CDYL: variants seen among roughly 807,000 people sequenced by gnomAD.
The protein encoded by CDYL is chromodomain Y-like protein.
In CDYL, 8 loss-of-function variants were observed where a neutral mutation model predicts 47.3. The ratio of observed to expected loss-of-function variants is 0.17; its 90% CI spans 0.10 to 0.31. The LOEUF (loss-of-function observed/expected upper bound fraction) is 0.31, where lower values mean the gene tolerates loss of function less well. CDYL is among the 10% of genes least tolerant of loss of function. CDYL has a pLI of 1.00. For missense variants in CDYL, 471 were observed against 701.4 expected, an observed-to-expected ratio of 0.67 and a Z score of 3.71; for synonymous variants, 266 against 265.0, an observed-to-expected ratio of 1.00 and a Z score of -0.04.
At chr6:4,950,826 C>T (rs1002127007) in intron 5 of CDYL, among the ~76,000 whole-genome samples, 2 of 151,074 alleles carry the variant, frequency 1.3e-5, no homozygotes, top group Admixed American at 6.6e-5. Context: ...CAGCTACTCA[C>T]GAGGCTGAGG....
In CDYL at chr6:4,897,802, T is replaced by TTTTTTTTTA. The variant is rs1249743935; in HGVS notation, c.691+5423_691+5424insTTTTTTTTA. 1.8e-4 allele frequency among the ~76,000 whole-genome samples: 28 copies of TTTTTTTTTA among 151,362 alleles called. No homozygotes were observed. The South Asian group carries it at 2.1e-3, about 11-fold the overall frequency. On this transcript the variant is annotated intron_variant, in intron 2 of 6. Coordinates refer to ENST00000397588, the MANE Select transcript of CDYL (RefSeq NM_004824.4). ...TTTGAAGGTTTTTGTTTTTTTTTTTTAAATTATCCAGGCATGAGGCCAAGG... is the reference window on the plus strand; with the variant it reads ...TTTGAAGGTTTTTGTTTTTTTTTTTTTTTTTTTTAAAATTATCCAGGCATGAGGCCAAGG...
intron 3 of CDYL, among the ~76,000 whole-genome samples, chr6:4,747,351 A>T (rs1162974874): frequency 1.3e-5 from 2 of 152,108 alleles, no homozygotes; most frequent in Non-Finnish European, 2.9e-5. Context: ...TTATTACCCA[A>T]AACATTTCTG....
intron 2 of CDYL, among the ~76,000 whole-genome samples, chr6:4,731,629 T>C (rs1757606729): frequency 6.6e-6 from 1 of 152,038 alleles, no homozygotes; most frequent in South Asian, 2.1e-4. Flanking sequence ...TGAAACCCCA[T>C]CTCTATTAAA....
At chr6:4,879,560 T>G (rs1030189879) in intron 1 of CDYL, among the ~76,000 whole-genome samples, 1 of 145,674 alleles carries the variant, frequency 6.9e-6, no homozygotes, top group South Asian at 2.2e-4. Context: ...GGGTTTTTTT[T>G]TTTTTTTTTT....
intron 2 of CDYL, among the ~76,000 whole-genome samples, chr6:4,913,249 C>T (rs2127501580): frequency 6.6e-6 from 1 of 152,216 alleles, no homozygotes; most frequent in South Asian, 2.1e-4. Context: ...TATTAACACT[C>T]TTCCTTATTA....
intron 1 of CDYL, among the ~76,000 whole-genome samples, chr6:4,852,164 T>TGATC (rs1217023132): frequency 6.6e-6 from 1 of 152,236 alleles, no homozygotes; most frequent in Non-Finnish European, 1.5e-5. Context: ...CATCTACTGA[T>TGATC]GATCCTTGCT....
chr6:4,837,875 G>A (rs1237443060), intron 1 of CDYL, among the ~76,000 whole-genome samples: 1 of 152,028 alleles, frequency 6.6e-6, no homozygotes, highest in Admixed American at 6.6e-5. Flanking sequence ...CCAGGCTCAA[G>A]TGATCCCAAT....
chr6:4,789,472 GT>G (rs976609569), intron 1 of CDYL, among the ~76,000 whole-genome samples: 1 of 152,112 alleles, frequency 6.6e-6, no homozygotes, highest in Non-Finnish European at 1.5e-5. Flanking sequence ...TTTTATTTCT[GT>G]TTCCCTGGCC....
At chr6:4,843,295 A>C (rs1760557400) in intron 1 of CDYL, among the ~76,000 whole-genome samples, 1 of 152,122 alleles carries the variant, frequency 6.6e-6, no homozygotes, top group African/African-American at 2.4e-5. Context: ...CAGCGTGCCT[A>C]AGTGATGATC....
intron 2 of CDYL, among the ~76,000 whole-genome samples, chr6:4,897,636 G>A (rs1196633265): frequency 6.6e-6 from 1 of 152,140 alleles, no homozygotes; most frequent in African/African-American, 2.4e-5. Flanking sequence ...AGGAGACCAG[G>A]CCAGGTGTGG....
intron 1 of CDYL, among the ~76,000 whole-genome samples, chr6:4,819,396 C>G (rs1451445754): frequency 6.6e-6 from 1 of 152,122 alleles, no homozygotes; most frequent in Non-Finnish European, 1.5e-5. Flanking sequence ...CCTCATTGGA[C>G]AGGTGGCTGA....
chr6:4,751,278 G>A (rs1757985669), intron 3 of CDYL, among the ~76,000 whole-genome samples: 1 of 152,182 alleles, frequency 6.6e-6, no homozygotes, highest in Non-Finnish European at 1.5e-5. Context: ...TGGAGTCGCA[G>A]CATCAGCAAC....
chr6:4,912,235 T>C (rs970887822), intron 2 of CDYL, among the ~76,000 whole-genome samples: 3 of 442 alleles, frequency 6.8e-3, no homozygotes, highest in Non-Finnish European at 0.018. Flanking sequence ...AGTTGGGAAT[T>C]TTTTTTTTTC....
intron 2 of CDYL, chr6:4,715,919 T>C (rs981631109): frequency 3.1e-6 from 5 of 1,595,528 alleles, no homozygotes; most frequent in South Asian, 1.1e-5. Flanking sequence ...TCTGATGCAG[T>C]AGGCAGAATT....
intron 1 of CDYL, among the ~76,000 whole-genome samples, chr6:4,872,197 C>T (rs1761494875): frequency 6.6e-6 from 1 of 152,010 alleles, no homozygotes. Context: ...ACTAAGGTAC[C>T]CTCTCTGTGA....
intron 1 of CDYL, among the ~76,000 whole-genome samples, chr6:4,821,555 G>A (rs1561653923): frequency 1.3e-5 from 2 of 151,998 alleles, no homozygotes; most frequent in African/African-American, 2.4e-5. Context: ...CCAACATGGT[G>A]AAACCCCGTC....
intron 1 of CDYL, among the ~76,000 whole-genome samples, chr6:4,802,522 G>C (rs1157113672): frequency 6.6e-6 from 1 of 152,134 alleles, no homozygotes; most frequent in Non-Finnish European, 1.5e-5. Flanking sequence ...CTGGGTGACA[G>C]AGTGAGACCC....
At chr6:4,748,593 G>A (rs993012984) in intron 3 of CDYL, among the ~76,000 whole-genome samples, 15 of 151,402 alleles carry the variant, frequency 9.9e-5, no homozygotes, top group African/African-American at 2.4e-4. Flanking sequence ...GGGTAGGAGC[G>A]TGGGAGGTAT....
At chr6:4,826,001 G>A (rs1009433860) in intron 1 of CDYL, among the ~76,000 whole-genome samples, 2 of 152,228 alleles carry the variant, frequency 1.3e-5, no homozygotes, top group African/African-American at 4.8e-5. Context: ...TGGCCTCAGA[G>A]CCACTTGAAG....
Sources: gnomAD v4.1 joint callset for allele counts (sites outside exome capture counted in the v4.1 genomes callset) on GRCh38, gnomAD v4.1.1 for gene constraint, MANE v1.5 for transcripts, NCBI Gene and HGNC (gene_info 2026-07-23, HGNC 2026-07-21) for gene names.